PLCH1: variants seen among roughly 807,000 people sequenced by gnomAD.
PLCH1 encodes phospholipase C eta 1.
A neutral mutation model predicts 126.7 loss-of-function variants in PLCH1; 60 were observed. That is an observed-to-expected ratio of 0.47 (90% CI 0.38 to 0.59). PLCH1 has a LOEUF of 0.59. Ranked by LOEUF, PLCH1 falls within the 20% of genes least tolerant of loss-of-function variation. The probability of loss-of-function intolerance (pLI) is 0.00; values close to 1 mark genes in which losing one functional copy is unlikely to be tolerated. For synonymous variants in PLCH1, 719 were observed against 734.9 expected, an observed-to-expected ratio of 0.98 and a Z score of 0.35; for missense variants, 1,723 against 2,040.0, an observed-to-expected ratio of 0.84 and a Z score of 2.99.
chr3:155,486,662 C>T (rs1715214841), intron 21 of PLCH1, among the ~76,000 whole-genome samples: 1 of 151,466 alleles, frequency 6.6e-6, no homozygotes, highest in South Asian at 2.1e-4. Flanking sequence ...GTAGCTGGGA[C>T]TACAGGCGCC....
chr3:155,455,581 A>G (rs561276204), intron 21 of PLCH1, among the ~76,000 whole-genome samples: 1 of 152,352 alleles, frequency 6.6e-6, no homozygotes, highest in African/African-American at 2.4e-5. Flanking sequence ...ACATGAAAGC[A>G]TTTGAGAAAT....
Position 155,481,016 on chromosome 3 carries a change from C to G in PLCH1, c.5010G>C (p.Glu1670Asp), listed in dbSNP as rs758533225. The G allele has an allele frequency of 8.7e-6, 14 of 1,608,974 alleles. No individual in the cohort carries two copies. The highest frequency in any genetic ancestry group is 1.0e-5 in the Non-Finnish European group (12 of 1,175,736). ...TTTCTGGTTTATCATCACTGCTTGG[C>G]TCAGTCTGCAAAACAGAATTATCTG... ...FCSDNSVLQTEPSSDDKPEIY... is the reference protein window; with the variant it reads ...FCSDNSVLQTDPSSDDKPEIY... The change falls in exon 23 of 23, where the codon GAG (glutamate) becomes GAC (aspartate). Residue 1670 changes from glutamate (E) to aspartate (D), a missense_variant. Around this residue, in one of 2 missense-constraint regions of PLCH1, gnomAD observed 947 missense variants for 977.1 expected, o/e 0.97. Transcript: ENST00000460012. This position sits in a 1 kb window ranked among gnomAD's most constrained non-coding sequence, Gnocchi z 4.2.
intron 2 of PLCH1, among the ~76,000 whole-genome samples, chr3:155,638,514 T>C (rs1370296693): frequency 1.3e-5 from 2 of 152,240 alleles, no homozygotes; most frequent in East Asian, 3.8e-4. Flanking sequence ...ACAAAGCTCA[T>C]CCTTCTTTTT....
intron 10 of PLCH1, among the ~76,000 whole-genome samples, chr3:155,545,895 A>C (rs1052655473): frequency 6.6e-6 from 1 of 152,218 alleles, no homozygotes; most frequent in African/African-American, 2.4e-5. Flanking sequence ...TCTCAAAATA[A>C]TAACAGCTAT....
intron 21 of PLCH1, among the ~76,000 whole-genome samples, chr3:155,469,654 C>A (rs1190582944): frequency 1.1e-4 from 16 of 152,130 alleles, no homozygotes; most frequent in Non-Finnish European, 1.5e-4. Flanking sequence ...CAGCAGTAAC[C>A]TCTGCAGACT....
At chr3:155,581,173 C>T (rs1054470325) in intron 6 of PLCH1, among the ~76,000 whole-genome samples, 4 of 152,132 alleles carry the variant, frequency 2.6e-5, no homozygotes, top group African/African-American at 9.7e-5. Flanking sequence ...GATATTAATC[C>T]AATGTTTAAT....
intron 21 of PLCH1, among the ~76,000 whole-genome samples, chr3:155,486,454 G>C (rs1437544842): frequency 2.0e-5 from 3 of 151,062 alleles, no homozygotes; most frequent in Non-Finnish European, 2.9e-5. Context: ...TTATTTAGCA[G>C]AGAAGATGGA....
chr3:155,670,429 G>A (rs1638918780), intron 2 of PLCH1, among the ~76,000 whole-genome samples: 1 of 152,062 alleles, frequency 6.6e-6, no homozygotes, highest in African/African-American at 2.4e-5. Flanking sequence ...TGGATTAGAC[G>A]AAAACCTTAT....
In PLCH1 at chr3:155,543,665, G is replaced by A. The variant is rs1233590991; in HGVS notation, c.1362+6122C>T. ...AAGGTCGGGTTACCCACAAAGGGAA[G>A]CCCATCAGACTAACAGCGGATCTCT... On this transcript the variant is annotated intron_variant, in intron 10 of 22. Coordinates refer to ENST00000460012, the MANE Select transcript of PLCH1 (RefSeq NM_014996.4). Among the ~76,000 whole-genome samples, 117 of 152,174 alleles carry A rather than the reference G, an allele frequency of 7.7e-4. 3 individuals carry two copies. The highest frequency in any genetic ancestry group is 2.7e-3 in the African/African-American group (114 of 41,506).
intron 2 of PLCH1, among the ~76,000 whole-genome samples, chr3:155,614,864 A>T (rs775004045): frequency 2.0e-5 from 3 of 152,174 alleles, no homozygotes; most frequent in Non-Finnish European, 4.4e-5. Context: ...CCTTCCAGTC[A>T]TTGGCTTAAG....
At chr3:155,612,908 TAAAAAA>T (rs59489759) in intron 2 of PLCH1, among the ~76,000 whole-genome samples, 1 of 94,638 alleles carries the variant, frequency 1.1e-5, no homozygotes, top group Non-Finnish European at 1.9e-5. Context: ...AACTGTGTAT[TAAAAAA>T]AAAAAAAAAA....
chr3:155,744,522 A>G (rs1438126251), intron 1 of PLCH1, among the ~76,000 whole-genome samples: 1 of 151,982 alleles, frequency 6.6e-6, no homozygotes, highest in Non-Finnish European at 1.5e-5. Flanking sequence ...GCGAGGCTGG[A>G]CCTTCCACCG....
intron 10 of PLCH1, among the ~76,000 whole-genome samples, chr3:155,534,643 T>C (rs1723116371): frequency 6.6e-6 from 1 of 152,220 alleles, no homozygotes; most frequent in Non-Finnish European, 1.5e-5. Context: ...AGCAGAATGA[T>C]ATGGTTTGGC....
chr3:155,743,680 A>G, intron 1 of PLCH1: 1 of 374,524 alleles, frequency 2.7e-6, no homozygotes, highest in South Asian at 2.1e-5. Context: ...CTTCTGGGAA[A>G]TCCTTTGTTT....
At chr3:155,518,845 C>CT (rs2108266441) in intron 11 of PLCH1, among the ~76,000 whole-genome samples, 1 of 152,292 alleles carries the variant, frequency 6.6e-6, no homozygotes, top group African/African-American at 2.4e-5. Context: ...GAGGCAGAGA[C>CT]TTCAAGTAAG....
At chr3:155,581,673 G>C (rs1462237212) in intron 6 of PLCH1, among the ~76,000 whole-genome samples, 3 of 152,032 alleles carry the variant, frequency 2.0e-5, no homozygotes. Flanking sequence ...ATTGCTAATA[G>C]GTTTGGGGTT....
chr3:155,458,935 A>G (rs1712602854), intron 21 of PLCH1, among the ~76,000 whole-genome samples: 1 of 152,056 alleles, frequency 6.6e-6, no homozygotes, highest in Non-Finnish European at 1.5e-5. Flanking sequence ...CTAGGGTTGT[A>G]CCTCCATAAA....
intron 2 of PLCH1, chr3:155,675,953 T>C: frequency 1.0e-6 from 1 of 981,948 alleles, no homozygotes; most frequent in Non-Finnish European, 1.5e-6. Context: ...CATCTTTTAC[T>C]AGGACTATTA....
chr3:155,559,974 C>T (rs76764294), intron 8 of PLCH1, among the ~76,000 whole-genome samples: 4,448 of 152,172 alleles, frequency 0.029, 206 homozygotes, highest in African/African-American at 0.1. Flanking sequence ...CCAAACAAAG[C>T]TGGAGGTTTA....
Sources: gnomAD v4.1 joint callset for allele counts (sites outside exome capture counted in the v4.1 genomes callset) on GRCh38, gnomAD v4.1.1 for gene constraint, gnomAD v4.1.1 regional missense constraint, Gnocchi (gnomAD v3.1) non-coding constraint, MANE v1.5 for transcripts, NCBI Gene and HGNC (gene_info 2026-07-23, HGNC 2026-07-21) for gene names.